ZBTB21: variants seen among roughly 807,000 people sequenced by gnomAD.
ZBTB21 encodes the protein zinc finger and BTB domain-containing protein 21.
A neutral mutation model predicts 39.8 loss-of-function variants in ZBTB21; 10 were observed. That is an observed-to-expected ratio of 0.25 (90% CI 0.16 to 0.43). The LOEUF (loss-of-function observed/expected upper bound fraction) is 0.43. Among genes scored for constraint, ZBTB21 ranks in the 20% least tolerant of loss-of-function variants. ZBTB21 has a pLI of 1.00. For synonymous variants in ZBTB21, 551 were observed against 498.8 expected, an observed-to-expected ratio of 1.10 and a Z score of -1.40; for missense variants, 1,221 against 1,296.3, an observed-to-expected ratio of 0.94 and a Z score of 0.89.
chr21:41,991,146 G>A lies in ZBTB21; in HGVS notation c.2950C>T (p.Pro984Ser). ...GGTGGTGGCGGTGGCAGAGGTGGTGGAGAGGGAGAGTTTGTGGGAACAGGG... is the reference window on the plus strand; with the variant it reads ...GGTGGTGGCGGTGGCAGAGGTGGTGAAGAGGGAGAGTTTGTGGGAACAGGG... ...VCPVPTNSPS[P>S]PPLPPPPPLP... The change falls in exon 3 of 3, where the codon CCA (proline) becomes TCA (serine). Residue 984 changes from proline (P) to serine (S), a missense_variant. By Grantham distance (74) the Pro-to-Ser change is moderately conservative. Transcript: ENST00000310826. The surrounding 1 kb of genome is among the most constrained non-coding windows in gnomAD (Gnocchi z 4.9). 1.9e-6 allele frequency: 3 copies of A among 1,614,184 alleles called. No homozygotes were observed. Among genetic ancestry groups the A allele is most frequent in the Non-Finnish European group, 2.5e-6 (3 of 1,180,012 alleles).
intron 2 of ZBTB21, among the ~76,000 whole-genome samples, chr21:41,995,774 T>C (rs6586290): frequency 0.64 from 97,259 of 152,126 alleles, 32,697 homozygotes; most frequent in African/African-American, 0.8. Context: ...AAAATGGTTT[T>C]GTGGGCCAGG....
Position 41,991,007 on chromosome 21 carries a change from T to C in ZBTB21, c.3089A>G (p.His1030Arg). ...VPQESDTLFY[H>R]APPLSAITFK... Reference sequence around the variant, plus strand: ...TGTGATTGCTGAAAGGGGTGGGGCATGGTAAAAAAGGGTGTCTGATTCTTG... The same window carrying C: ...TGTGATTGCTGAAAGGGGTGGGGCACGGTAAAAAAGGGTGTCTGATTCTTG... Residue 1030 changes from histidine (H) to arginine (R), a missense_variant, in exon 3 of 3, where the codon CAT becomes CGT. Coordinates refer to ENST00000310826, the MANE Select transcript of ZBTB21 (RefSeq NM_001098402.2). The surrounding 1 kb of genome is among the most constrained non-coding windows in gnomAD (Gnocchi z 4.9). 1 of 1,564,036 alleles carries C rather than the reference T, an allele frequency of 6.4e-7. No individual in the cohort carries two copies. The highest frequency in any genetic ancestry group is 1.2e-5 in the South Asian group (1 of 81,896).
rs370796629 is a variant in ZBTB21, at chr21:41,993,459, A to T, written c.637T>A (p.Ser213Thr). The change falls in exon 3 of 3, where the codon TCT becomes ACT. Residue 213 changes from serine (S) to threonine (T), a missense_variant. This residue lies in a region of ZBTB21 where 500 missense variants were observed against 465.6 expected (regional missense o/e 1.07). Transcript: ENST00000310826. ...TCAAGAGACTTTGCATATACCACAG[A>T]ACTATCTTTCGGCCAACTCTTTTCA... ...LTEKSWPKDSSVVYAKSLEHS... is the reference protein window; with the variant it reads ...LTEKSWPKDSTVVYAKSLEHS... The T allele has an allele frequency of 6.2e-7, 1 of 1,614,244 alleles. No individual in the cohort carries two copies.
chr21:41,992,990 G>C lies in ZBTB21; in HGVS notation c.1106C>G (p.Ser369Cys), dbSNP rs750114432. ...LKSSQGSSSV[S>C]SDAPGNVLCA... Reference sequence around the variant, plus strand: ...CAACACATTCCCTGGTGCATCACTGGACACCGAAGATGATCCCTGGGAAGA... The same window carrying C: ...CAACACATTCCCTGGTGCATCACTGCACACCGAAGATGATCCCTGGGAAGA... The change falls in exon 3 of 3, where the codon TCC (serine) becomes TGC (cysteine). Residue 369 changes from serine (S) to cysteine (C), a missense_variant. This residue lies in a region of ZBTB21 where 500 missense variants were observed against 465.6 expected (regional missense o/e 1.07). Coordinates refer to ENST00000310826, the MANE Select transcript of ZBTB21 (RefSeq NM_001098402.2). This position sits in a 1 kb window ranked among gnomAD's most constrained non-coding sequence, Gnocchi z 4.1. The C allele has an allele frequency of 3.7e-6, 6 of 1,614,172 alleles. No individual in the cohort carries two copies. Among genetic ancestry groups the C allele is most frequent in the Non-Finnish European group, 5.1e-6 (6 of 1,180,032 alleles).
rs2065946786 is a variant in ZBTB21 at position 42,010,309 on chromosome 21, GCGCCGCAGC to G, written c.-145_-137del. On this transcript the variant is annotated 5_prime_UTR_variant, in exon 1 of 3. Coordinates refer to ENST00000310826, the MANE Select transcript of ZBTB21 (RefSeq NM_001098402.2). The stretch of plus-strand genomic sequence containing the variant: ...CTTTCCGCTCACACTCGGCTCGCGC[GCGCCGCAGC>G]CGCCGCTGCCGCTGTGATTCCATCC... 8 of 398,388 alleles carry G rather than the reference GCGCCGCAGC, an allele frequency of 2.0e-5. No individual in the cohort carries two copies. Among genetic ancestry groups the G allele is most frequent in the Admixed American group, 8.8e-5 (2 of 22,708 alleles). The allele number at this position is 398,388 out of a possible 1,614,324, so 24.7% of individuals were successfully genotyped here. A position where few individuals can be genotyped will look rare whatever the true frequency, so the allele number is the denominator to read the frequency against.
rs752527926 is a variant in ZBTB21, at chr21:41,991,157, T to C, written c.2939A>G (p.Asn980Ser). ...KESEVCPVPTNSPSPPPLPPP... is the reference protein window; with the variant it reads ...KESEVCPVPTSSPSPPPLPPP... Reference sequence around the variant, plus strand: ...TGGCAGAGGTGGTGGAGAGGGAGAGTTTGTGGGAACAGGGCACACCTCAGA... The same window carrying C: ...TGGCAGAGGTGGTGGAGAGGGAGAGCTTGTGGGAACAGGGCACACCTCAGA... The change falls in exon 3 of 3, where the codon AAC becomes AGC. Residue 980 changes from asparagine (N) to serine (S), a missense_variant. By Grantham distance (46) the Asn-to-Ser change is conservative (BLOSUM62 1). This residue lies in a region of ZBTB21 where 523 missense variants were observed against 542.5 expected (regional missense o/e 0.96). Transcript: ENST00000310826. The surrounding 1 kb of genome is among the most constrained non-coding windows in gnomAD (Gnocchi z 4.9). The C allele has an allele frequency of 1.2e-6, 2 of 1,613,262 alleles. No homozygotes were observed. The highest frequency in any genetic ancestry group is 1.7e-6 in the Non-Finnish European group (2 of 1,179,760).
At chr21:42,001,307 C>T (rs1569112406) in intron 2 of ZBTB21, among the ~76,000 whole-genome samples, 1 of 152,208 alleles carries the variant, frequency 6.6e-6, no homozygotes, top group East Asian at 1.9e-4. Context: ...AAAACTGAGG[C>T]ATTGAGAGGT....
Position 41,992,316 on chromosome 21 carries a change from AGT to A in ZBTB21, c.1778_1779del (p.His593LeufsTer16), listed in dbSNP as rs761969115. 6.2e-7 allele frequency: 1 copy of A among 1,614,216 alleles called. No individual in the cohort carries two copies. ...TTCACTATGCCGTGTTGGGTCTGAC[AGT>A]GTGTCCACACTTTGAAGTTGGTGTG... ...RFHTNFKVWT[H>X]CQTQHGIVKN... On this transcript the variant is annotated frameshift_variant, in exon 3 of 3. Transcript: ENST00000310826. LOFTEE classifies it high-confidence loss of function. The surrounding 1 kb of genome is among the most constrained non-coding windows in gnomAD (Gnocchi z 4.1).
At chr21:42,008,340 T>TAAAAAA (rs1260353877) in intron 1 of ZBTB21, among the ~76,000 whole-genome samples, 1 of 7,202 alleles carries the variant, frequency 1.4e-4, no homozygotes, top group Non-Finnish European at 2.6e-4. Context: ...ACCCCGTCTC[T>TAAAAAA]ACAAAAAAAA....
chr21:41,992,151 G>A lies in ZBTB21; in HGVS notation c.1945C>T (p.Gln649Ter). The A allele has an allele frequency of 6.2e-7, 1 of 1,614,176 alleles. No individual in the cohort carries two copies. Among genetic ancestry groups the A allele is most frequent in the Non-Finnish European group, 8.5e-7 (1 of 1,180,020 alleles). ...LRRGKPGFQGQSSSQAQQVIK... is the reference protein window; with the variant it reads ...LRRGKPGFQG ...ACTTGCTGTGCTTGGGAGCTACTCTGTCCCTGAAAACCAGGCTTGCCGCGC... is the reference window on the plus strand; with the variant it reads ...ACTTGCTGTGCTTGGGAGCTACTCTATCCCTGAAAACCAGGCTTGCCGCGC... The change falls in exon 3 of 3, where the codon CAG becomes TAG. Residue 649 changes from glutamine (Q) to a stop codon, truncating the protein, a stop_gained. Coordinates refer to ENST00000310826, the MANE Select transcript of ZBTB21 (RefSeq NM_001098402.2). LOFTEE classifies it high-confidence loss of function. The surrounding 1 kb of genome is among the most constrained non-coding windows in gnomAD (Gnocchi z 4.1).
In ZBTB21 at chr21:41,988,303, T is replaced by C. The variant is rs574836225; in HGVS notation, c.*2592A>G. ...TGCATAAAAAAGCAGGCATCCTGCA[T>C]ACTTACATGGAATAAAGAGCTTTCT... On this transcript the variant is annotated 3_prime_UTR_variant, in exon 3 of 3. Coordinates refer to ENST00000310826, the MANE Select transcript of ZBTB21 (RefSeq NM_001098402.2). 8 of 152,364 alleles carry C rather than the reference T, an allele frequency of 5.3e-5. No individual in the cohort carries two copies. In the South Asian group the frequency reaches 8.3e-4, roughly 16 times the overall value. The allele number at this position is 152,364 out of a possible 1,614,324, so 9.4% of individuals were successfully genotyped here.
Position 41,992,833 on chromosome 21 carries a change from A to C in ZBTB21, c.1263T>G (p.Ala421=). ...TTATGCGCACCTCAGTCACAGGGGA[A>C]GCTCCCTCCCTGTCTGTTGACTGAG... ...SASQSTDREG[A]SPVTEVRIKT... Residue 421 remains alanine (A), a synonymous_variant, in exon 3 of 3, where the codon GCT becomes GCG. Coordinates refer to ENST00000310826, the MANE Select transcript of ZBTB21 (RefSeq NM_001098402.2). This position sits in a 1 kb window ranked among gnomAD's most constrained non-coding sequence, Gnocchi z 4.1. The C allele has an allele frequency of 6.2e-7, 1 of 1,614,148 alleles. No individual in the cohort carries two copies. Among genetic ancestry groups the C allele is most frequent in the Non-Finnish European group, 8.5e-7 (1 of 1,180,022 alleles).
intron 2 of ZBTB21, chr21:42,002,399 A>G (rs1279119056): frequency 6.6e-6 from 1 of 152,180 alleles, no homozygotes; most frequent in Non-Finnish European, 1.5e-5. Context: ...AAAAAGGGGG[A>G]AAATCACAAC....
At position 41,994,078 on chromosome 21, in the gene ZBTB21, A is replaced by G; in HGVS notation, c.18T>C (p.His6=). The G allele has an allele frequency of 6.3e-7, 1 of 1,594,550 alleles. No homozygotes were observed. The highest frequency in any genetic ancestry group is 1.1e-5 in the South Asian group (1 of 88,010). ...AAATGGCGTGTGCAGGGTTGATGTA[A>G]TGCAGTAATCCCTCCATGGCTTGAG... MEGLL[H]YINPAHAISL... is the part of the protein sequence containing the mutation. Residue 6 remains histidine (H), a synonymous_variant, in exon 3 of 3, where the codon CAT becomes CAC. Transcript: ENST00000310826.
rs945536622 is a variant in ZBTB21, at chr21:41,988,583, T to C, written c.*2312A>G. The C allele has an allele frequency of 4.6e-5, 7 of 152,180 alleles. No individual in the cohort carries two copies. The highest frequency in any genetic ancestry group is 7.2e-5 in the African/African-American group (3 of 41,466). The allele number at this position is 152,180 out of a possible 1,614,324, so 9.4% of individuals were successfully genotyped here. On this transcript the variant is annotated 3_prime_UTR_variant, in exon 3 of 3. Coordinates refer to ENST00000310826, the MANE Select transcript of ZBTB21 (RefSeq NM_001098402.2). ...ACCAAAATAAACTCTTTCAGCCTAA[T>C]GCTTTTAAAGTACAGTATAAAAAGT...
chr21:42,005,409 A>T (rs1328896327), intron 1 of ZBTB21, among the ~76,000 whole-genome samples: 1 of 152,188 alleles, frequency 6.6e-6, no homozygotes, highest in Admixed American at 6.5e-5. Context: ...GACTTATCTC[A>T]ACGGAGGCCT....
chr21:42,001,739 A>C (rs142083492), intron 2 of ZBTB21, among the ~76,000 whole-genome samples: 1 of 152,344 alleles, frequency 6.6e-6, no homozygotes, highest in Non-Finnish European at 1.5e-5. Context: ...TCTGCCACAC[A>C]CACAAAAGAA....
chr21:42,010,219 TCTC>T (rs1210320193), intron 1 of ZBTB21, 30 bp downstream of exon 1: 3 of 396,906 alleles, frequency 7.6e-6, no homozygotes, highest in Non-Finnish European at 1.3e-5. Context: ...GCCCCGCAGT[TCTC>T]CTAGAGCTAG....
Position 41,992,947 on chromosome 21 carries a change from C to A in ZBTB21, c.1149G>T (p.Lys383Asn). 4.3e-6 allele frequency: 7 copies of A among 1,614,186 alleles called. No individual in the cohort carries two copies. The highest frequency in any genetic ancestry group is 5.9e-6 in the Non-Finnish European group (7 of 1,180,040). ...TTTCACTACAATCTTTTAAAGATGA[C>A]TTCTGAGATAAAGCACACAACACAT... is the stretch of plus-strand genomic sequence containing the variant. ...PGNVLCALSQ[K>N]SSLKDCSEKT... Residue 383 changes from lysine (K) to asparagine (N), a missense_variant, in exon 3 of 3, where the codon AAG becomes AAT. By Grantham distance (94) the Lys-to-Asn change is moderately conservative. This residue lies in a region of ZBTB21 where 500 missense variants were observed against 465.6 expected (regional missense o/e 1.07). Coordinates refer to ENST00000310826, the MANE Select transcript of ZBTB21 (RefSeq NM_001098402.2). This position sits in a 1 kb window ranked among gnomAD's most constrained non-coding sequence, Gnocchi z 4.1.
Sources: allele counts gnomAD v4.1 joint callset (sites outside exome capture counted in the v4.1 genomes callset), GRCh38; gene constraint gnomAD v4.1.1; regional missense constraint gnomAD v4.1.1; non-coding constraint Gnocchi (gnomAD v3.1); transcripts MANE v1.5; gene names NCBI Gene and HGNC (gene_info 2026-07-23, HGNC 2026-07-21).